LARGE2: variants seen among roughly 807,000 people sequenced by gnomAD.
LARGE2 encodes the protein LARGE xylosyl- and glucuronyltransferase 2.
LARGE2 carries 63 observed loss-of-function variants against 75.3 expected under a neutral mutation model. The observed-to-expected ratio is 0.84, with a 90% confidence interval of 0.68 to 1.03. The LOEUF (loss-of-function observed/expected upper bound fraction) is 1.03. Among genes scored for constraint, LARGE2 ranks in the 50% least tolerant of loss-of-function variants. The pLI, the probability that LARGE2 is intolerant of heterozygous loss-of-function variation, is 0.00. For synonymous variants in LARGE2, 428 were observed against 420.1 expected (o/e 1.02, Z -0.23); for missense variants, 925 against 980.6 (o/e 0.94, Z 0.76).
intron 3 of LARGE2, 43 bp downstream of exon 3, chr11:45,923,598 G>A: frequency 6.4e-7 from 1 of 1,560,936 alleles, no homozygotes; most frequent in Non-Finnish European, 8.8e-7. Context: ...AGTGGGGAAG[G>A]GACAAAGCCC....
At chr11:45,926,962 G>A (rs2087182038) in intron 10 of LARGE2, 91 bp downstream of exon 10, 5 of 1,310,700 alleles carry the variant, frequency 3.8e-6, no homozygotes, top group South Asian at 1.4e-5. Context: ...CTGATGCTGT[G>A]GTAGTGAGCT....
In LARGE2 at chr11:45,926,233, CG is replaced by C; in HGVS notation, c.895del (p.Ala299LeufsTer2). On this transcript the variant is annotated frameshift_variant, in exon 8 of 14. Coordinates refer to ENST00000401752, the MANE Select transcript of LARGE2 (RefSeq NM_001300721.2). LOFTEE classifies it high-confidence loss of function. ...GTGTCTCTGCTCAGGACATCTTCAA[CG>C]CTGTGATCAAGGAGCACCCGGGGCT... is the stretch of plus-strand genomic sequence containing the variant. ...TSLADQDIFN[A>X]VIKEHPGLVQ... The C allele has an allele frequency of 6.2e-7, 1 of 1,614,098 alleles. No individual in the cohort carries two copies. Among genetic ancestry groups the C allele is most frequent in the Non-Finnish European group, 8.5e-7 (1 of 1,179,964 alleles).
intron 2 of LARGE2, 71 bp from the exon 3 acceptor site, chr11:45,923,402 G>A (rs988811573): frequency 5.5e-5 from 81 of 1,459,748 alleles, no homozygotes; most frequent in Middle Eastern, 2.3e-4. Flanking sequence ...GCGGGGTGGG[G>A]CAGCTCAACA....
At position 45,928,174 on chromosome 11, in the gene LARGE2, C is replaced by T. The variant is rs1300140888; in HGVS notation, c.1755-3C>T. 3.7e-6 allele frequency: 6 copies of T among 1,613,542 alleles called. No homozygotes were observed. Among genetic ancestry groups the T allele is most frequent in the Non-Finnish European group, 5.1e-6 (6 of 1,179,996 alleles). ...CTGGCTCCCACCCGACCCTGCTGCA[C>T]AGGTACCACGAGTGGCCCCGAGGCC... is the stretch of plus-strand genomic sequence containing the variant. On this transcript the variant is annotated splice_polypyrimidine_tract_variant and splice_region_variant and intron_variant, in intron 12 of 13. Transcript: ENST00000401752.
intron 6 of LARGE2, among the ~76,000 whole-genome samples, chr11:45,925,811 A>T (rs1473122397): frequency 6.6e-6 from 1 of 152,104 alleles, no homozygotes; most frequent in Non-Finnish European, 1.5e-5. Flanking sequence ...GCAGTGAGTC[A>T]TGATTGTGCC....
chr11:45,924,765 C>T lies in LARGE2; in HGVS notation c.665-20C>T, dbSNP rs1161939497. The T allele has an allele frequency of 5.3e-6, 8 of 1,510,694 alleles. No individual in the cohort carries two copies. The highest frequency in any genetic ancestry group is 7.1e-6 in the Non-Finnish European group (8 of 1,125,634). 93.6% of individuals were successfully genotyped at this position (1,510,694 alleles called of 1,614,324 possible). On this transcript the variant is annotated intron_variant, in intron 5 of 13. Transcript: ENST00000401752. ...TCCTGTGGCAGCTTCAGACAGCTCCCTTATGCCCTCCCCTCCCAGACACGC... is the reference window on the plus strand; with the variant it reads ...TCCTGTGGCAGCTTCAGACAGCTCCTTTATGCCCTCCCCTCCCAGACACGC...
rs2087400290 is a variant in LARGE2 at position 45,928,794 on chromosome 11, C to T, written c.2115C>T (p.Ala705=). 6.2e-7 allele frequency: 1 copy of T among 1,613,804 alleles called. No homozygotes were observed. The highest frequency in any genetic ancestry group is 1.1e-5 in the South Asian group (1 of 91,086). ...QDLSRHHGAA[A]LKYLPALQQP... ...TGTCCCGCCACCATGGGGCTGCTGC[C>T]CTCAAATACCTCCCAGCCCTGCAGC... Residue 705 remains alanine, a synonymous_variant, in exon 14 of 14, where the codon GCC becomes GCT. Transcript: ENST00000401752.
intron 4 of LARGE2, 43 bp from the exon 5 acceptor site, chr11:45,924,463 G>A: frequency 6.3e-7 from 1 of 1,598,222 alleles, no homozygotes; most frequent in Non-Finnish European, 8.5e-7. Context: ...GGTGCTCATA[G>A]GCCCCTCTCT....
upstream of LARGE2, among the ~76,000 whole-genome samples, chr11:45,922,231 G>A (rs1430843263): frequency 6.6e-6 from 1 of 152,114 alleles, no homozygotes; most frequent in African/African-American, 2.4e-5. Context: ...CGCAGGTGTC[G>A]GCCGGCTCCG....
Position 45,926,598 on chromosome 11 carries a change from G to C in LARGE2, c.1164+1G>C. The C allele has an allele frequency of 6.2e-7, 1 of 1,614,068 alleles. No homozygotes were observed. Among genetic ancestry groups the C allele is most frequent in the Non-Finnish European group, 8.5e-7 (1 of 1,180,014 alleles). ...CCAGCCCCCACCTGGTGCTGAGCAGGTGAGAAGGAGTCACCTTCCCCTGCC... is the reference window on the plus strand; with the variant it reads ...CCAGCCCCCACCTGGTGCTGAGCAGCTGAGAAGGAGTCACCTTCCCCTGCC... On this transcript the variant is annotated splice_donor_variant, in intron 9 of 13. Coordinates refer to ENST00000401752, the MANE Select transcript of LARGE2 (RefSeq NM_001300721.2). LOFTEE classifies it high-confidence loss of function.
chr11:45,928,423 C>A, intron 13 of LARGE2, 51 bp downstream of exon 13: 1 of 1,587,632 alleles, frequency 6.3e-7, no homozygotes, highest in South Asian at 1.1e-5. Context: ...ACCTCCAGGT[C>A]CAGGGAACTC....
chr11:45,924,491 C>T lies in LARGE2; in HGVS notation c.493-15C>T. 1 of 1,608,160 alleles carries T rather than the reference C, an allele frequency of 6.2e-7. No homozygotes were observed. The highest frequency in any genetic ancestry group is 1.7e-5 in the Admixed American group (1 of 59,842). On this transcript the variant is annotated splice_polypyrimidine_tract_variant and intron_variant, in intron 4 of 13. Transcript: ENST00000401752. ...CCCTCTCTGCCATCTCATCTCCTGC[C>T]TTTCCCCCACACAGCCCCAGGTCTC... is the stretch of plus-strand genomic sequence containing the variant.
At position 45,926,737 on chromosome 11, in the gene LARGE2, C is replaced by A; in HGVS notation, c.1191C>A (p.Asp397Glu). ...EQLQQALAQL[D>E]EEDPCFEFRQ... Reference sequence around the variant, plus strand: ...TGCAGCAGGCCCTGGCACAACTGGACGAGGAAGACCCCTGCTTTGAGTTCC... The same window carrying A: ...TGCAGCAGGCCCTGGCACAACTGGAAGAGGAAGACCCCTGCTTTGAGTTCC... The change falls in exon 10 of 14, where the codon GAC (aspartate) becomes GAA (glutamate). Residue 397 changes from aspartate (D) to glutamate (E), a missense_variant. Transcript: ENST00000401752. 1 of 1,613,548 alleles carries A rather than the reference C, an allele frequency of 6.2e-7. No individual in the cohort carries two copies. The highest frequency in any genetic ancestry group is 8.5e-7 in the Non-Finnish European group (1 of 1,179,888).
rs1462892724 is a variant in LARGE2 at position 45,927,382 on chromosome 11, G to A, written c.1393G>A (p.Asp465Asn). Reference sequence around the variant, plus strand: ...CATGAGCCTGGCCTTGTACCTGACAGACGCAGAAGCTCAGCAGTTCCTGCA... The same window carrying A: ...CATGAGCCTGGCCTTGTACCTGACAAACGCAGAAGCTCAGCAGTTCCTGCA... ...GPMSLALYLT[D>N]AEAQQFLHFV... The change falls in exon 11 of 14, where the codon GAC becomes AAC. Residue 465 changes from aspartate (D) to asparagine (N), a missense_variant. Around this residue, in one of 3 missense-constraint regions of LARGE2, gnomAD observed 469 missense variants for 503.8 expected, o/e 0.93. Coordinates refer to ENST00000401752, the MANE Select transcript of LARGE2 (RefSeq NM_001300721.2). 2 of 1,613,948 alleles carry A rather than the reference G, an allele frequency of 1.2e-6. No homozygotes were observed. Among genetic ancestry groups the A allele is most frequent in the Admixed American group, 1.7e-5 (1 of 60,014 alleles).
Position 45,922,918 on chromosome 11 carries a change from C to A in LARGE2, c.36C>A (p.Ala12=), listed in dbSNP as rs1254482737. The A allele has an allele frequency of 3.1e-6, 4 of 1,281,078 alleles. No individual in the cohort carries two copies. The highest frequency in any genetic ancestry group is 4.2e-5 in the Admixed American group (1 of 23,890). The allele number at this position is 1,281,078 out of a possible 1,614,324, so 79.4% of individuals were successfully genotyped here. A position where few individuals can be genotyped will look rare whatever the true frequency, so the allele number is the denominator to read the frequency against. The change falls in exon 2 of 14, where the codon GCC becomes GCA. Residue 12 remains alanine (A), a synonymous_variant. Coordinates refer to ENST00000401752, the MANE Select transcript of LARGE2 (RefSeq NM_001300721.2). ...GAGGGCGCCCCCGGGCGCTGGGGGCCGCCGCGCTGTTGCTGCTGCTGCTGC... is the reference window on the plus strand; with the variant it reads ...GAGGGCGCCCCCGGGCGCTGGGGGCAGCCGCGCTGTTGCTGCTGCTGCTGC... ...LPRGRPRALG[A]AALLLLLLLL...
Position 45,922,820 on chromosome 11 carries a change from G to A in LARGE2, c.-62-1G>A, listed in dbSNP as rs2086968975. On this transcript the variant is annotated splice_acceptor_variant, in intron 1 of 13. Transcript: ENST00000401752. LOFTEE classifies it low-confidence loss of function (5UTR_SPLICE). The stretch of plus-strand genomic sequence containing the variant: ...CTCCCATCTCGCCCCTCGGTCCGCA[G>A]GGCCTGCGATGGAGCCTGCAGCCCC... 6 of 1,201,086 alleles carry A rather than the reference G, an allele frequency of 5.0e-6. No individual in the cohort carries two copies. The highest frequency in any genetic ancestry group is 3.2e-4 in the Middle Eastern group (1 of 3,138). 74.4% of individuals were successfully genotyped at this position (1,201,086 alleles called of 1,614,324 possible).
Position 45,924,496 on chromosome 11 carries a change from C to A in LARGE2, c.493-10C>A. The stretch of plus-strand genomic sequence containing the variant: ...TCTGCCATCTCATCTCCTGCCTTTC[C>A]CCCACACAGCCCCAGGTCTCCTGGA... On this transcript the variant is annotated splice_polypyrimidine_tract_variant and intron_variant, in intron 4 of 13. Transcript: ENST00000401752. 1 of 1,609,294 alleles carries A rather than the reference C, an allele frequency of 6.2e-7. No individual in the cohort carries two copies. The highest frequency in any genetic ancestry group is 1.7e-5 in the Admixed American group (1 of 59,874).
rs769816841 is a variant in LARGE2 at position 45,924,618 on chromosome 11, C to T, written c.605C>T (p.Thr202Met). The T allele has an allele frequency of 8.7e-6, 14 of 1,613,998 alleles. No homozygotes were observed. In the African/African-American group the frequency reaches 1.3e-4, roughly 15 times the overall value. ...AELARVIVLD[T>M]DVTFASDISE... ...CTGGCCCGCGTCATTGTCCTGGACA[C>T]GGATGTCACCTTCGCCTCTGACATC... The change falls in exon 5 of 14, where the codon ACG becomes ATG. Residue 202 changes from threonine to methionine, a missense_variant. Physicochemically the swap from Thr to Met is moderately conservative, Grantham distance 81. Coordinates refer to ENST00000401752, the MANE Select transcript of LARGE2 (RefSeq NM_001300721.2).
Position 45,926,695 on chromosome 11 carries a change from C to G in LARGE2, c.1165-16C>G, listed in dbSNP as rs1432888476. ...TCTGCCCTATCCCCGGTCCTTGTCA[C>G]CCCTTGCCCCCTCAGTTGCAGCAGG... On this transcript the variant is annotated splice_polypyrimidine_tract_variant and intron_variant, in intron 9 of 13. Coordinates refer to ENST00000401752, the MANE Select transcript of LARGE2 (RefSeq NM_001300721.2). The G allele has an allele frequency of 6.2e-7, 1 of 1,609,770 alleles. No individual in the cohort carries two copies. The highest frequency in any genetic ancestry group is 8.5e-7 in the Non-Finnish European group (1 of 1,177,592).
Sources: allele counts gnomAD v4.1 joint callset (sites outside exome capture counted in the v4.1 genomes callset), GRCh38; gene constraint gnomAD v4.1.1; regional missense constraint gnomAD v4.1.1; transcripts MANE v1.5; gene names NCBI Gene and HGNC (gene_info 2026-07-23, HGNC 2026-07-21).